The following FNTB variants were observed in gnomAD, a reference collection of about 807,000 sequenced individuals.
FNTB encodes the protein farnesyltransferase, CAAX box, subunit beta.
Under a neutral mutation model 59.4 loss-of-function variants are expected in FNTB, and 27 were observed. The observed-to-expected ratio is 0.45, with a 90% confidence interval of 0.34 to 0.63. The LOEUF is 0.63. Ranked by LOEUF, FNTB falls within the 20% of genes least tolerant of loss-of-function variation. The pLI is 0.02. For missense variants in FNTB, 449 were observed against 559.6 expected (o/e 0.80, Z 1.99); for synonymous variants, 230 against 220.7 (o/e 1.04, Z -0.37).
intron 7 of FNTB, among the ~76,000 whole-genome samples, chr14:65,036,894 T>C (rs2062204923): frequency 6.6e-6 from 1 of 151,748 alleles, no homozygotes; most frequent in Non-Finnish European, 1.5e-5. Flanking sequence ...CTCCTGAGCC[T>C]CCCAAAGTAC....
At chr14:65,048,449 G>A (rs1259215459) in intron 9 of FNTB, among the ~76,000 whole-genome samples, 3 of 152,288 alleles carry the variant, frequency 2.0e-5, no homozygotes, top group East Asian at 1.9e-4. Context: ...AGTGCAGCAC[G>A]TGGGTCTAGG....
chr14:64,999,010 A>C (rs1449731667), intron 1 of FNTB, among the ~76,000 whole-genome samples: 2 of 152,246 alleles, frequency 1.3e-5, no homozygotes, highest in Admixed American at 6.5e-5. Context: ...AAAGAAAAGG[A>C]GTACTGGTAC....
At chr14:65,017,823 T>C (rs1200995494) in intron 4 of FNTB, among the ~76,000 whole-genome samples, 2 of 151,822 alleles carry the variant, frequency 1.3e-5, no homozygotes, top group Non-Finnish European at 2.9e-5. Flanking sequence ...GGCATGGTGG[T>C]GCATGCCTGT....
At chr14:65,060,479 G>A (rs1163867632) in intron 11 of FNTB, among the ~76,000 whole-genome samples, 2 of 112,584 alleles carry the variant, frequency 1.8e-5, no homozygotes, top group Non-Finnish European at 3.2e-5. Context: ...GGCGGATCAC[G>A]AGGTCAGGAG....
At chr14:65,005,416 T>A (rs1241428981) in intron 2 of FNTB, among the ~76,000 whole-genome samples, 1 of 152,182 alleles carries the variant, frequency 6.6e-6, no homozygotes, top group Non-Finnish European at 1.5e-5. Context: ...GTCACCATTT[T>A]ATCTTAATGA....
chr14:65,012,152 T>G lies in FNTB; in HGVS notation c.210-165T>G. The G allele has an allele frequency of 1.4e-6, 1 of 703,710 alleles. No homozygotes were observed. The highest frequency in any genetic ancestry group is 2.3e-6 in the Non-Finnish European group (1 of 426,164). 43.6% of individuals were successfully genotyped at this position (703,710 alleles called of 1,614,324 possible). Reference sequence around the variant, plus strand: ...TCAGACAAGAGCTTCTTTTCTCTGGTTTAGTTGCTCTTTGGAACCAGAGAA... The same window carrying G: ...TCAGACAAGAGCTTCTTTTCTCTGGGTTAGTTGCTCTTTGGAACCAGAGAA... On this transcript the variant is annotated intron_variant, in intron 2 of 11. Transcript: ENST00000246166. This position sits in a 1 kb window ranked among gnomAD's most constrained non-coding sequence, Gnocchi z 5.0.
intron 1 of FNTB, among the ~76,000 whole-genome samples, chr14:64,989,296 T>TAAAAAAAAA (rs1566858807): frequency 8.7e-6 from 1 of 115,222 alleles, no homozygotes. Context: ...AAAAAAAAAG[T>TAAAAAAAAA]AGCTGAGCGT....
At chr14:65,005,517 C>CTT (rs1418187254) in intron 2 of FNTB, among the ~76,000 whole-genome samples, 2 of 135,752 alleles carry the variant, frequency 1.5e-5, no homozygotes, top group African/African-American at 2.9e-5. Context: ...TTCTTTCTCT[C>CTT]TCTCTTTCTC....
intron 7 of FNTB, among the ~76,000 whole-genome samples, chr14:65,037,460 TTG>T (rs1359782122): frequency 2.1e-4 from 29 of 136,882 alleles, no homozygotes; most frequent in Admixed American, 5.4e-4. Context: ...ACGTCTCTTT[TTG>T]TTTTATGTGT....
At chr14:65,033,632 C>T (rs917051905) in intron 7 of FNTB, among the ~76,000 whole-genome samples, 10 of 152,146 alleles carry the variant, frequency 6.6e-5, no homozygotes, top group African/African-American at 2.2e-4. Flanking sequence ...CCAGGGCAAG[C>T]GGATCATGAG....
rs1402209600 is a variant in FNTB, at chr14:65,028,686, TTCTATC to T, written c.605+910_605+915del. ...CAAAGGCCTTTAGTTCAAGATGTTC[TTCTATC>T]TCTAACTTGTCTAATCCAACCAAAA... On this transcript the variant is annotated intron_variant, in intron 6 of 11. Transcript: ENST00000246166. This position sits in a 1 kb window ranked among gnomAD's most constrained non-coding sequence, Gnocchi z 4.4. Among the ~76,000 whole-genome samples, 8 of 152,334 alleles carry T rather than the reference TTCTATC, an allele frequency of 5.3e-5. No homozygotes were observed. The East Asian group carries it at 1.5e-3, about 29-fold the overall frequency.
chr14:65,012,441 CT>C lies in FNTB; in HGVS notation c.282+53del, dbSNP rs1194836829. ...CTGTCAAATTATCCACCAAATCCTC[CT>C]CCTTTTTCTATTTAAACGTAAAAGA... is the stretch of plus-strand genomic sequence containing the variant. On this transcript the variant is annotated intron_variant, in intron 3 of 11. Coordinates refer to ENST00000246166, the MANE Select transcript of FNTB (RefSeq NM_002028.4). This position sits in a 1 kb window ranked among gnomAD's most constrained non-coding sequence, Gnocchi z 5.0. The C allele has an allele frequency of 1.2e-6, 2 of 1,608,604 alleles. No individual in the cohort carries two copies. The highest frequency in any genetic ancestry group is 8.5e-7 in the Non-Finnish European group (1 of 1,175,664).
Position 64,990,974 on chromosome 14 carries a change from A to G in FNTB, c.144+3877A>G, listed in dbSNP as rs1888177484. ...GCCTTTCATGACACTAGAGAACAAG[A>G]CATGGTTGTATTGTTAGTGCCTGCC... On this transcript the variant is annotated intron_variant, in intron 1 of 11. Coordinates refer to ENST00000246166, the MANE Select transcript of FNTB (RefSeq NM_002028.4). This position sits in a 1 kb window ranked among gnomAD's most constrained non-coding sequence, Gnocchi z 5.2. 6.6e-6 allele frequency among the ~76,000 whole-genome samples: 1 copy of G among 152,036 alleles called. No homozygotes were observed. Among genetic ancestry groups the G allele is most frequent in the Non-Finnish European group, 1.5e-5 (1 of 67,998 alleles).
Position 65,010,357 on chromosome 14 carries a change from G to A in FNTB, c.210-1960G>A, listed in dbSNP as rs2061664067. 3.3e-5 allele frequency among the ~76,000 whole-genome samples: 5 copies of A among 152,100 alleles called. No individual in the cohort carries two copies. The South Asian group carries it at 8.3e-4, about 25-fold the overall frequency. ...TCACTTGTGTGCAGACAAATGCTTC[G>A]TAGTCTGTGTGTGTAACCTGAATCC... On this transcript the variant is annotated intron_variant, in intron 2 of 11. Transcript: ENST00000246166.
At chr14:65,041,325 C>A (rs1425547747) in intron 8 of FNTB, among the ~76,000 whole-genome samples, 2 of 152,194 alleles carry the variant, frequency 1.3e-5, no homozygotes, top group Non-Finnish European at 2.9e-5. Flanking sequence ...TTAGTACCTA[C>A]ATTTAAATGA....
In FNTB at chr14:65,054,835, T is replaced by TA; in HGVS notation, c.1182+147dup. ...TCTGCCCTTCGAGCTGTGCAGCCGT[T>TA]AGTGAGGATGTGACCACAGAGGAGA... On this transcript the variant is annotated intron_variant, in intron 11 of 11. Transcript: ENST00000246166. This position sits in a 1 kb window ranked among gnomAD's most constrained non-coding sequence, Gnocchi z 4.4. 1.1e-6 allele frequency: 1 copy of TA among 897,804 alleles called. No homozygotes were observed. Among genetic ancestry groups the TA allele is most frequent in the South Asian group, 1.7e-5 (1 of 59,388 alleles). 55.6% of individuals were successfully genotyped at this position (897,804 alleles called of 1,614,324 possible).
Position 65,007,964 on chromosome 14 carries a change from A to G in FNTB, c.209+3651A>G, listed in dbSNP as rs2061621263. Among the ~76,000 whole-genome samples, 1 of 152,166 alleles carries G rather than the reference A, an allele frequency of 6.6e-6. No homozygotes were observed. The highest frequency in any genetic ancestry group is 6.5e-5 in the Admixed American group (1 of 15,276). On this transcript the variant is annotated intron_variant, in intron 2 of 11. Coordinates refer to ENST00000246166, the MANE Select transcript of FNTB (RefSeq NM_002028.4). The surrounding 1 kb of genome is among the most constrained non-coding windows in gnomAD (Gnocchi z 4.9). ...CTCTGAAGCCAGAATACTCTGAGTT[A>G]AAGTCCTCAAAGCAGGTCTCTCACA...
chr14:65,044,393 T>C lies in FNTB; in HGVS notation c.905T>C (p.Phe302Ser), dbSNP rs1447175491. ...CNKLVDGCYS[F>S]WQAGLLPLLH... is the part of the protein sequence containing the mutation. ...AAGCTGGTGGATGGCTGCTACTCCT[T>C]CTGGCAGGCGGGGCTCCTGCCCCTG... The change falls in exon 9 of 12, where the codon TTC becomes TCC. Residue 302 changes from phenylalanine to serine, a missense_variant. Phe to Ser is a radical substitution (Grantham distance 155, BLOSUM62 -2). Around this residue, in one of 2 missense-constraint regions of FNTB, gnomAD observed 337 missense variants for 479.1 expected, o/e 0.70. Coordinates refer to ENST00000246166, the MANE Select transcript of FNTB (RefSeq NM_002028.4). The surrounding 1 kb of genome is among the most constrained non-coding windows in gnomAD (Gnocchi z 5.5). 6.2e-7 allele frequency: 1 copy of C among 1,613,078 alleles called. No individual in the cohort carries two copies. Among genetic ancestry groups the C allele is most frequent in the South Asian group, 1.1e-5 (1 of 90,740 alleles).
chr14:65,000,819 A>AG (rs1888568688), intron 1 of FNTB, among the ~76,000 whole-genome samples: 1 of 121,080 alleles, frequency 8.3e-6, no homozygotes, highest in Non-Finnish European at 1.8e-5. Flanking sequence ...CCGTCTCAAA[A>AG]AAAAAAAAAA....
Sources: gnomAD v4.1 joint callset for allele counts (sites outside exome capture counted in the v4.1 genomes callset) on GRCh38, gnomAD v4.1.1 for gene constraint, gnomAD v4.1.1 regional missense constraint, Gnocchi (gnomAD v3.1) non-coding constraint, MANE v1.5 for transcripts, NCBI Gene and HGNC (gene_info 2026-07-23, HGNC 2026-07-21) for gene names.